Variants in LARP1B observed in about 807,000 individuals in gnomAD.
LARP1B encodes la-related protein 1B.
In LARP1B, 76 loss-of-function variants were observed where a neutral mutation model predicts 114.2. The observed-to-expected ratio is 0.67, with a 90% CI of 0.55 to 0.81. The LOEUF (loss-of-function observed/expected upper bound fraction) is 0.81, where lower values mean the gene tolerates loss of function less well. Among genes scored for constraint, LARP1B ranks in the 30% least tolerant of loss-of-function variants. The pLI is 0.00. For missense variants in LARP1B, 1,014 were observed against 1,075.8 expected, an observed-to-expected ratio of 0.94 and a Z score of 0.80; for synonymous variants, 345 against 348.0, an observed-to-expected ratio of 0.99 and a Z score of 0.10.
chr4:128,208,981 G>T (rs564437613), intron 19 of LARP1B, among the ~76,000 whole-genome samples: 1 of 152,314 alleles, frequency 6.6e-6, no homozygotes, highest in African/African-American at 2.4e-5. Flanking sequence ...AAAGAGACTG[G>T]AAATACAAAT....
At position 128,073,444 on chromosome 4, in the gene LARP1B, A is replaced by AAAAG. The variant is rs1553989756; in HGVS notation, c.-77-1000_-77-997dup. 6.5e-3 allele frequency among the ~76,000 whole-genome samples: 663 copies of AAAAG among 102,576 alleles called. 56 individuals are homozygous for AAAAG. Among genetic ancestry groups the AAAAG allele is most frequent in the African/African-American group, 0.014 (370 of 27,172 alleles). 67.3% of individuals were successfully genotyped at this position (102,576 alleles called of 152,430 possible). On this transcript the variant is annotated intron_variant, in intron 1 of 19. Transcript: ENST00000326639. The stretch of plus-strand genomic sequence containing the variant: ...AAAAAAAAAAAAAAAAAAAAAAAAA[A>AAAAG]AAAGAAAGAAAGAAAGAAATACTAC...
chr4:128,202,188 T>C (rs911241076), intron 17 of LARP1B, among the ~76,000 whole-genome samples: 1 of 152,236 alleles, frequency 6.6e-6, no homozygotes, highest in Non-Finnish European at 1.5e-5. Context: ...TTTTAAGATT[T>C]ATACTCTTCC....
At chr4:128,097,959 A>C (rs1294917534) in intron 7 of LARP1B, among the ~76,000 whole-genome samples, 3 of 152,316 alleles carry the variant, frequency 2.0e-5, no homozygotes, top group East Asian at 3.9e-4. Flanking sequence ...AGAAGTTATT[A>C]ATTTTTTGGA....
upstream of LARP1B, among the ~76,000 whole-genome samples, chr4:128,060,834 CG>C (rs1372864955): frequency 2.6e-5 from 4 of 151,492 alleles, no homozygotes; most frequent in African/African-American, 9.8e-5. Flanking sequence ...GCCAAGCGGC[CG>C]GGCCGCGGAG....
chr4:128,071,844 A>G (rs768742896), intron 1 of LARP1B, among the ~76,000 whole-genome samples: 2 of 152,242 alleles, frequency 1.3e-5, no homozygotes, highest in African/African-American at 2.4e-5. Flanking sequence ...GATTATGGTC[A>G]TAAGAATTAA....
chr4:128,061,701 C>T (rs1015092424), intron 1 of LARP1B: 20 of 984,762 alleles, frequency 2.0e-5, no homozygotes, highest in South Asian at 4.7e-5. Context: ...ACGATGTCTA[C>T]TCGCGCCCCG....
At chr4:128,071,085 C>T (rs1027928813) in intron 1 of LARP1B, among the ~76,000 whole-genome samples, 9 of 151,954 alleles carry the variant, frequency 5.9e-5, no homozygotes, top group Non-Finnish European at 1.0e-4. Flanking sequence ...CTCGCTCTGT[C>T]GCCCAGGCTG....
At chr4:128,080,468 CT>C (rs1173724359) in intron 4 of LARP1B, among the ~76,000 whole-genome samples, 2 of 152,002 alleles carry the variant, frequency 1.3e-5, no homozygotes, top group Non-Finnish European at 2.9e-5. Flanking sequence ...GATTAAAAGC[CT>C]TTTTAGATGC....
At position 128,152,360 on chromosome 4, in the gene LARP1B, C is replaced by T. The variant is rs551865806; in HGVS notation, c.1525-9834C>T. Among the ~76,000 whole-genome samples the T allele has an allele frequency of 7.3e-5, 11 of 151,722 alleles. 1 individual carries two copies. The South Asian group carries it at 1.5e-3, about 20-fold the overall frequency. On this transcript the variant is annotated intron_variant, in intron 11 of 19. Transcript: ENST00000326639. ...CTTGGACTACAGGCGCATACCACCACGCCCAGCTAATTTTTGTATTTTCAG... is the reference window on the plus strand; with the variant it reads ...CTTGGACTACAGGCGCATACCACCATGCCCAGCTAATTTTTGTATTTTCAG...
chr4:128,202,869 C>T (rs1451711303), intron 17 of LARP1B, among the ~76,000 whole-genome samples: 2 of 152,156 alleles, frequency 1.3e-5, no homozygotes, highest in Admixed American at 1.3e-4. Context: ...GTGGCCTTGG[C>T]AGATTATAAT....
At chr4:128,080,432 T>A (rs1025634754) in intron 4 of LARP1B, among the ~76,000 whole-genome samples, 1 of 152,078 alleles carries the variant, frequency 6.6e-6, no homozygotes, top group African/African-American at 2.4e-5. Flanking sequence ...TGTCAAGGAA[T>A]CTCGTTGACA....
At chr4:128,070,062 TAATCCCAGC>T (rs1422011640) in intron 1 of LARP1B, among the ~76,000 whole-genome samples, 5 of 152,174 alleles carry the variant, frequency 3.3e-5, no homozygotes, top group Admixed American at 2.0e-4. Flanking sequence ...CTCACACCCG[TAATCCCAGC>T]ACTTTGGGAG....
At chr4:128,132,380 G>T (rs1010852404) in intron 11 of LARP1B, among the ~76,000 whole-genome samples, 3 of 152,006 alleles carry the variant, frequency 2.0e-5, no homozygotes, top group African/African-American at 7.2e-5. Flanking sequence ...AAGTAGCTGG[G>T]ATTACAGGCA....
At chr4:128,111,322 TAGGC>T (rs1784041575) in intron 9 of LARP1B, among the ~76,000 whole-genome samples, 2 of 152,082 alleles carry the variant, frequency 1.3e-5, no homozygotes, top group Non-Finnish European at 2.9e-5. Context: ...GCTGGGATTA[TAGGC>T]ATGAGCCACC....
At chr4:128,171,742 C>T (rs1015571803) in intron 12 of LARP1B, among the ~76,000 whole-genome samples, 1 of 152,250 alleles carries the variant, frequency 6.6e-6, no homozygotes, top group African/African-American at 2.4e-5. Context: ...TATTTCACCT[C>T]ATTGCCAAGG....
At chr4:128,184,534 T>C (rs1193266281) in intron 15 of LARP1B, among the ~76,000 whole-genome samples, 1 of 152,218 alleles carries the variant, frequency 6.6e-6, no homozygotes, top group East Asian at 1.9e-4. Flanking sequence ...GGGATATCAA[T>C]CACCTCAAAC....
chr4:128,174,695 AT>A (rs1360339223), intron 12 of LARP1B, among the ~76,000 whole-genome samples: 1 of 152,080 alleles, frequency 6.6e-6, no homozygotes, highest in Non-Finnish European at 1.5e-5. Flanking sequence ...ATAGTTTGAC[AT>A]TCTTTTTTAA....
intron 9 of LARP1B, chr4:128,107,891 A>G (rs1381735497): frequency 3.3e-6 from 5 of 1,536,078 alleles, no homozygotes; most frequent in Non-Finnish European, 4.4e-6. Flanking sequence ...AGTCAGGGTG[A>G]TGATCTTCTG....
At chr4:128,212,987 C>T (rs931890912), downstream of LARP1B, among the ~76,000 whole-genome samples, 8 of 135,974 alleles carry the variant, frequency 5.9e-5, no homozygotes, top group Admixed American at 7.0e-4. Flanking sequence ...GACGCGATCT[C>T]GTCTCACTGC....
Sources: allele counts gnomAD v4.1 joint callset (sites outside exome capture counted in the v4.1 genomes callset), GRCh38; gene constraint gnomAD v4.1.1; transcripts MANE v1.5; gene names NCBI Gene and HGNC (gene_info 2026-07-23, HGNC 2026-07-21).